The following KAT14 variants were observed in gnomAD, a reference collection of about 807,000 sequenced individuals.
The protein encoded by KAT14 is lysine acetyltransferase 14.
A neutral mutation model predicts 78.4 loss-of-function variants in KAT14; 66 were observed. The observed-to-expected ratio is 0.84, with a 90% CI of 0.69 to 1.03. The LOEUF (loss-of-function observed/expected upper bound fraction) is 1.03, where lower values mean the gene tolerates loss of function less well. Ranked by LOEUF, KAT14 falls within the 50% of genes least tolerant of loss-of-function variation. The probability of loss-of-function intolerance (pLI) is 0.00; values close to 1 mark genes in which losing one functional copy is unlikely to be tolerated. For synonymous variants in KAT14, 344 were observed against 359.4 expected (o/e 0.96, Z 0.48); for missense variants, 870 against 972.5 (o/e 0.89, Z 1.40).
At chr20:18,176,749 A>G (rs1489206372) in intron 7 of KAT14, among the ~76,000 whole-genome samples, 2 of 151,592 alleles carry the variant, frequency 1.3e-5, no homozygotes, top group Admixed American at 1.3e-4. Flanking sequence ...AGGATCCTAC[A>G]GGTCATAAGT....
chr20:18,145,696 G>T (rs1044137618), intron 3 of KAT14, among the ~76,000 whole-genome samples: 2 of 151,894 alleles, frequency 1.3e-5, no homozygotes, highest in Non-Finnish European at 2.9e-5. Context: ...CAGGAGAATC[G>T]CTTGAACCTG....
In KAT14 at chr20:18,183,090, A is replaced by G. The variant is rs1311807371; in HGVS notation, c.1806-33A>G. 3 of 1,575,058 alleles carry G rather than the reference A, an allele frequency of 1.9e-6. No homozygotes were observed. In the South Asian group the frequency reaches 3.5e-5, roughly 18 times the overall value. On this transcript the variant is annotated intron_variant, in intron 8 of 10. Coordinates refer to ENST00000688188, the MANE Select transcript of KAT14 (RefSeq NM_001392073.1). ...GGAATAATACCAGGTATTTTTCTTG[A>G]CTTGAATTTGTTTATCTTCTGTGGT...
chr20:18,140,236 CA>C (rs2037479574), intron 1 of KAT14, among the ~76,000 whole-genome samples: 1 of 151,378 alleles, frequency 6.6e-6, no homozygotes, highest in Admixed American at 6.6e-5. Flanking sequence ...GGAAGACCTG[CA>C]GTTGGGGGAG....
chr20:18,187,569 G>A lies in KAT14; in HGVS notation c.*110G>A. The A allele has an allele frequency of 1.3e-6, 2 of 1,524,402 alleles. No individual in the cohort carries two copies. Among genetic ancestry groups the A allele is most frequent in the African/African-American group, 1.4e-5 (1 of 70,256 alleles). 94.4% of individuals were successfully genotyped at this position (1,524,402 alleles called of 1,614,324 possible). A position where few individuals can be genotyped will look rare whatever the true frequency, so the allele number is the denominator to read the frequency against. On this transcript the variant is annotated 3_prime_UTR_variant, in exon 11 of 11. Coordinates refer to ENST00000688188, the MANE Select transcript of KAT14 (RefSeq NM_001392073.1). ...GGAGCTCTAATCTCTGTGATTACAT[G>A]GTCCTTCAAACTCCCAACCAAAGTG...
chr20:18,145,152 T>G, intron 2 of KAT14, 81 bp from the exon 3 acceptor site: 2 of 1,501,102 alleles, frequency 1.3e-6, no homozygotes, highest in Non-Finnish European at 1.8e-6. Context: ...GAAAGGAAAA[T>G]CTGGGTGATA....
chr20:18,140,474 G>A (rs1383730265), intron 1 of KAT14, among the ~76,000 whole-genome samples: 9 of 151,788 alleles, frequency 5.9e-5, no homozygotes, highest in Admixed American at 5.9e-4. Flanking sequence ...GCAGGCCCTG[G>A]GCCCCACTCC....
At chr20:18,138,425 G>T (rs971187920) in intron 1 of KAT14, 50 of 1,008,246 alleles carry the variant, frequency 5.0e-5, no homozygotes, top group Non-Finnish European at 1.8e-5. Flanking sequence ...CATCTCACTT[G>T]GGCCGCTAGA....
chr20:18,175,334 C>G (rs560606117), intron 7 of KAT14, among the ~76,000 whole-genome samples: 1 of 152,250 alleles, frequency 6.6e-6, no homozygotes, highest in South Asian at 2.1e-4. Flanking sequence ...CTGGCGTTAC[C>G]TTCCAGCCAA....
rs546674318 is a variant in KAT14 at position 18,179,931 on chromosome 20, C to T, written c.1669-1779C>T. On this transcript the variant is annotated intron_variant, in intron 7 of 10. Transcript: ENST00000688188. Reference sequence around the variant, plus strand: ...TTGTCCAGGCTGGAGTGCAGTGGTGCGATCTTGGCTCACTACAACCTCTAC... The same window carrying T: ...TTGTCCAGGCTGGAGTGCAGTGGTGTGATCTTGGCTCACTACAACCTCTAC... Among the ~76,000 whole-genome samples, 313 of 151,976 alleles carry T rather than the reference C, an allele frequency of 2.1e-3. 1 individual carries two copies. The highest frequency in any genetic ancestry group is 3.9e-3 in the Non-Finnish European group (263 of 67,970).
At chr20:18,150,527 A>C (rs887647708) in intron 3 of KAT14, among the ~76,000 whole-genome samples, 1 of 152,092 alleles carries the variant, frequency 6.6e-6, no homozygotes, top group Non-Finnish European at 1.5e-5. Context: ...CAGCTGATTC[A>C]GGGGCATCTC....
intron 7 of KAT14, among the ~76,000 whole-genome samples, chr20:18,165,425 A>T (rs943039060): frequency 6.6e-6 from 1 of 152,126 alleles, no homozygotes; most frequent in African/African-American, 2.4e-5. Flanking sequence ...TTGCAAATAT[A>T]ATTAGCCAAG....
chr20:18,140,842 A>G (rs2037518720), intron 1 of KAT14, among the ~76,000 whole-genome samples: 1 of 144,770 alleles, frequency 6.9e-6, no homozygotes, highest in African/African-American at 2.5e-5. Context: ...AAAAACCAAT[A>G]AAACAAAACA....
intron 7 of KAT14, among the ~76,000 whole-genome samples, chr20:18,176,005 C>CA (rs35353769): frequency 0.11 from 11,895 of 106,000 alleles, 704 homozygotes; most frequent in East Asian, 0.34. Context: ...GAGACTGTCT[C>CA]AAAAAAAAAA....
intron 1 of KAT14, chr20:18,138,342 C>T (rs190452502): frequency 9.9e-6 from 11 of 1,109,228 alleles, no homozygotes; most frequent in African/African-American, 1.6e-5. Flanking sequence ...ACAGGCACGG[C>T]ACGCAAGCTT....
intron 7 of KAT14, among the ~76,000 whole-genome samples, chr20:18,178,764 C>T (rs965270131): frequency 5.3e-5 from 8 of 152,196 alleles, no homozygotes; most frequent in Admixed American, 3.9e-4. Flanking sequence ...CCCCTGGCCT[C>T]TCCAAATCTC....
chr20:18,175,505 C>T (rs1203800621), intron 7 of KAT14, among the ~76,000 whole-genome samples: 3 of 152,164 alleles, frequency 2.0e-5, no homozygotes, highest in African/African-American at 7.2e-5. Context: ...CACCTGTCGC[C>T]TCCCCGGGCT....
At chr20:18,138,148 C>A in intron 1 of KAT14, 97 bp downstream of exon 1, 2 of 1,341,014 alleles carry the variant, frequency 1.5e-6, no homozygotes, top group South Asian at 1.8e-5. Flanking sequence ...AGCTCCTCTT[C>A]GTGTCTTTCC....
intron 4 of KAT14, 92 bp downstream of exon 4, chr20:18,151,034 G>T: frequency 6.7e-7 from 1 of 1,501,598 alleles, no homozygotes; most frequent in Non-Finnish European, 9.0e-7. Flanking sequence ...ACTTGTTAGA[G>T]ATTTATTTTA....
chr20:18,138,939 G>A (rs1305792431), intron 1 of KAT14, among the ~76,000 whole-genome samples: 1 of 152,220 alleles, frequency 6.6e-6, no homozygotes, highest in Admixed American at 6.5e-5. Context: ...TGAATTTTCA[G>A]AAAACAACTT....
Sources: gnomAD v4.1 joint callset for allele counts (sites outside exome capture counted in the v4.1 genomes callset) on GRCh38, gnomAD v4.1.1 for gene constraint, MANE v1.5 for transcripts, NCBI Gene and HGNC (gene_info 2026-07-23, HGNC 2026-07-21) for gene names.